Variants in CBX3 observed in about 807,000 individuals in gnomAD.
CBX3 encodes chromobox 3.
A neutral mutation model predicts 22.6 loss-of-function variants in CBX3; 5 were observed. The ratio of observed to expected loss-of-function variants is 0.22; its 90% CI spans 0.12 to 0.47. The LOEUF is 0.47. CBX3 is among the 20% of genes least tolerant of loss of function. CBX3 has a pLI of 0.99. For missense variants in CBX3, 83 were observed against 208.1 expected, an observed-to-expected ratio of 0.40 and a Z score of 3.70; for synonymous variants, 50 against 66.6, an observed-to-expected ratio of 0.75 and a Z score of 1.21.
intron 2 of CBX3, among the ~76,000 whole-genome samples, chr7:26,205,496 T>C (rs1380932060): frequency 3.3e-5 from 5 of 152,234 alleles, no homozygotes; most frequent in Admixed American, 2.0e-4. Flanking sequence ...TCTTGTCCTT[T>C]AATTGAACCT....
At position 26,207,494 on chromosome 7, in the gene CBX3, C is replaced by T. The variant is rs78244699; in HGVS notation, c.168-899C>T. On this transcript the variant is annotated intron_variant, in intron 3 of 5. Coordinates refer to ENST00000396386, the MANE Select transcript of CBX3 (RefSeq NM_016587.4). The stretch of plus-strand genomic sequence containing the variant: ...ATGATTATAGCGTACTTCCCATGTG[C>T]AGTGTAACAGGTAATGTAAAAGACT... 8.5e-5 allele frequency among the ~76,000 whole-genome samples: 13 copies of T among 152,128 alleles called. 1 individual carries two copies. Among genetic ancestry groups the T allele is most frequent in the Non-Finnish European group, 1.6e-4 (11 of 68,024 alleles).
chr7:26,205,166 GT>G (rs201801820), intron 2 of CBX3, among the ~76,000 whole-genome samples: 202 of 151,958 alleles, frequency 1.3e-3, no homozygotes, highest in African/African-American at 3.7e-3. Context: ...CCATTTCAGG[GT>G]TTTTTTTCCC....
At chr7:26,205,840 C>T (rs1040000431) in intron 2 of CBX3, among the ~76,000 whole-genome samples, 1 of 152,222 alleles carries the variant, frequency 6.6e-6, no homozygotes, top group Non-Finnish European at 1.5e-5. Flanking sequence ...AATGCCAGCA[C>T]TTTGGGAGGC....
chr7:26,202,939 AAACTTACCTT>A, intron 1 of CBX3, 22 bp from the exon 2 acceptor site: 1 of 1,402,452 alleles, frequency 7.1e-7, no homozygotes, highest in Non-Finnish European at 1.0e-6. Context: ...TGTGTCATGC[AAACTTACCTT>A]AACTGTCATG....
At chr7:26,206,786 G>A (rs893830972) in intron 3 of CBX3, among the ~76,000 whole-genome samples, 1 of 152,052 alleles carries the variant, frequency 6.6e-6, no homozygotes, top group Admixed American at 6.5e-5. Context: ...ATTTTAATGT[G>A]GTTAGATATT....
Position 26,203,014 on chromosome 7 carries a change from A to C in CBX3, c.16A>C (p.Thr6Pro). The C allele has an allele frequency of 6.2e-7, 1 of 1,608,418 alleles. No individual in the cohort carries two copies. The highest frequency in any genetic ancestry group is 1.1e-5 in the South Asian group (1 of 90,864). ...GCAATAAAAAATGGCCTCCAACAAA[A>C]CTACATTGGTAAGTTAATGAAAACC... MASNK[T>P]TLQKMGKKQN... Residue 6 changes from threonine to proline, a missense_variant, in exon 2 of 6, where the codon ACT (threonine) becomes CCT (proline). Around this residue, in one of 3 missense-constraint regions of CBX3, gnomAD observed 24 missense variants for 25.1 expected, o/e 0.96. Transcript: ENST00000396386.
At chr7:26,203,191 A>G (rs563802670) in intron 2 of CBX3, among the ~76,000 whole-genome samples, 169 bp downstream of exon 2, 2 of 152,280 alleles carry the variant, frequency 1.3e-5, no homozygotes, top group Admixed American at 1.3e-4. Flanking sequence ...TTACAGGGAG[A>G]TACTGGCTTG....
Position 26,206,186 on chromosome 7 carries a change from A to G in CBX3, c.25-182A>G, listed in dbSNP as rs551836988. ...GGTTGTAAGTTTGAACTAAATGAAC[A>G]AGATAAAGCATTCTTTTATTTTATT... On this transcript the variant is annotated intron_variant, in intron 2 of 5. Transcript: ENST00000396386. 3 of 527,532 alleles carry G rather than the reference A, an allele frequency of 5.7e-6. No individual in the cohort carries two copies. The Admixed American group carries it at 1.1e-4, about 19-fold the overall frequency. The allele number at this position is 527,532 out of a possible 1,614,324, so 32.7% of individuals were successfully genotyped here.
chr7:26,206,587 CT>C (rs771695394), intron 3 of CBX3, 77 bp downstream of exon 3: 227 of 1,281,490 alleles, frequency 1.8e-4, no homozygotes, highest in Non-Finnish European at 2.3e-4. Context: ...TAACCTGGCT[CT>C]TTTACCTGCT....
At chr7:26,201,590 C>T (rs1324577196), upstream of CBX3, 1 of 150,824 alleles carries the variant, frequency 6.6e-6, no homozygotes, top group African/African-American at 2.4e-5. Flanking sequence ...GGCGCCTCCG[C>T]CCTCCCCCTA....
At chr7:26,211,989 CT>C in intron 5 of CBX3, 92 bp from the exon 6 acceptor site, 1 of 1,192,644 alleles carries the variant, frequency 8.4e-7, no homozygotes, top group Admixed American at 3.0e-5. Context: ...ACTTCAATAC[CT>C]TTTGTTTGGA....
intron 4 of CBX3, among the ~76,000 whole-genome samples, chr7:26,208,917 CTTTTTTTTTTTTTTTTTT>C (rs59657982): frequency 6.4e-4 from 18 of 27,944 alleles, no homozygotes; most frequent in African/African-American, 2.1e-3. Context: ...CACGCCTGGC[CTTTTTTTTTTTTTTTTTT>C]TTTTTTTTTT....
At chr7:26,204,816 T>G (rs1188361588) in intron 2 of CBX3, among the ~76,000 whole-genome samples, 1 of 151,872 alleles carries the variant, frequency 6.6e-6, no homozygotes, top group Non-Finnish European at 1.5e-5. Flanking sequence ...TGAGACAGAG[T>G]TTTTCTCTTG....
intron 4 of CBX3, among the ~76,000 whole-genome samples, chr7:26,208,984 G>C (rs1784745388): frequency 8.1e-6 from 1 of 123,310 alleles, no homozygotes; most frequent in Non-Finnish European, 1.6e-5. Context: ...TGTCACCCAG[G>C]CTGGAGTGTA....
At position 26,211,418 on chromosome 7, in the gene CBX3, A is replaced by G. The variant is rs538193195; in HGVS notation, c.331-244A>G. Among the ~76,000 whole-genome samples, 9 of 152,296 alleles carry G rather than the reference A, an allele frequency of 5.9e-5. No individual in the cohort carries two copies. In the East Asian group the frequency reaches 1.7e-3, roughly 29 times the overall value. ...ACAACTCTGACTTTGGTGTCATTGA[A>G]CGCAGTAATTTTCTTGACTTTTTAT... On this transcript the variant is annotated intron_variant, in intron 4 of 5. Transcript: ENST00000396386.
chr7:26,208,320 AATAG>A (rs1784726770), intron 3 of CBX3, 69 bp from the exon 4 acceptor site: 1 of 1,260,582 alleles, frequency 7.9e-7, no homozygotes, highest in Non-Finnish European at 1.1e-6. Flanking sequence ...TGTCTATTAA[AATAG>A]ATCTGGATAA....
intron 4 of CBX3, among the ~76,000 whole-genome samples, chr7:26,210,852 A>G (rs1784789044): frequency 6.6e-6 from 1 of 152,090 alleles, no homozygotes; most frequent in Non-Finnish European, 1.5e-5. Flanking sequence ...TATGAAGACA[A>G]TCCAAAGTCA....
chr7:26,208,877 C>T (rs993709668), intron 4 of CBX3, among the ~76,000 whole-genome samples: 2 of 143,180 alleles, frequency 1.4e-5, no homozygotes, highest in African/African-American at 5.3e-5. Flanking sequence ...CTCGGCCTCC[C>T]AAAGTGTTGG....
At chr7:26,207,277 T>G (rs1562745900) in intron 3 of CBX3, among the ~76,000 whole-genome samples, 1 of 152,218 alleles carries the variant, frequency 6.6e-6, no homozygotes, top group Non-Finnish European at 1.5e-5. Flanking sequence ...CATAGCAGTT[T>G]GGGAATTATG....
Sources: gnomAD v4.1 joint callset for allele counts (sites outside exome capture counted in the v4.1 genomes callset) on GRCh38, gnomAD v4.1.1 for gene constraint, gnomAD v4.1.1 regional missense constraint, MANE v1.5 for transcripts, NCBI Gene and HGNC (gene_info 2026-07-23, HGNC 2026-07-21) for gene names.